Variants in TMPRSS11E observed in about 807,000 individuals in gnomAD.
The protein encoded by TMPRSS11E is transmembrane protease serine 11E.
TMPRSS11E carries 38 observed loss-of-function variants against 48.1 expected under a neutral mutation model. The observed-to-expected ratio is 0.79, with a 90% CI of 0.61 to 1.04. The LOEUF (loss-of-function observed/expected upper bound fraction) is 1.04. Ranked by LOEUF, TMPRSS11E falls within the 50% of genes least tolerant of loss-of-function variation. The pLI, the probability that TMPRSS11E is intolerant of heterozygous loss-of-function variation, is 0.00. For synonymous variants in TMPRSS11E, 158 were observed against 171.9 expected (o/e 0.92, Z 0.63); for missense variants, 530 against 510.8 (o/e 1.04, Z -0.36).
chr4:68,492,293 C>T (rs961741260), intron 9 of TMPRSS11E, among the ~76,000 whole-genome samples: 6 of 152,132 alleles, frequency 3.9e-5, no homozygotes, highest in African/African-American at 1.4e-4. Flanking sequence ...TTGTAACCCC[C>T]AAATCAATAC....
intron 9 of TMPRSS11E, among the ~76,000 whole-genome samples, chr4:68,481,080 T>C (rs1729387388): frequency 6.6e-6 from 1 of 152,210 alleles, no homozygotes; most frequent in Non-Finnish European, 1.5e-5. Context: ...CCTGCATTCA[T>C]TTGCTTAGTA....
At chr4:68,447,722 G>T (rs1728379680) in intron 1 of TMPRSS11E, among the ~76,000 whole-genome samples, 199 bp downstream of exon 1, 1 of 151,638 alleles carries the variant, frequency 6.6e-6, no homozygotes. Flanking sequence ...GTCCTCTTTT[G>T]TTGTATCCCA....
intron 4 of TMPRSS11E, among the ~76,000 whole-genome samples, chr4:68,469,636 T>C (rs996622755): frequency 2.6e-5 from 4 of 151,996 alleles, no homozygotes; most frequent in African/African-American, 9.7e-5. Flanking sequence ...GTGTTTGAGA[T>C]ACTGCCCTTT....
At chr4:68,493,513 C>A (rs1239573796) in intron 9 of TMPRSS11E, among the ~76,000 whole-genome samples, 2 of 152,090 alleles carry the variant, frequency 1.3e-5, no homozygotes, top group African/African-American at 2.4e-5. Flanking sequence ...GTTACCCAGG[C>A]TGGAGTGCAG....
intron 9 of TMPRSS11E, among the ~76,000 whole-genome samples, chr4:68,480,950 C>T (rs1469413827): frequency 6.6e-6 from 1 of 152,064 alleles, no homozygotes; most frequent in Non-Finnish European, 1.5e-5. Context: ...TTCTCATCCT[C>T]CTCCCACCCT....
intron 1 of TMPRSS11E, among the ~76,000 whole-genome samples, chr4:68,450,499 T>G (rs1248348030): frequency 1.3e-4 from 20 of 151,844 alleles, no homozygotes. Context: ...AAGCTATAAG[T>G]AGAATCTTTG....
chr4:68,497,461 G>A lies in TMPRSS11E; in HGVS notation c.*657G>A. The A allele has an allele frequency of 6.6e-6, 1 of 152,082 alleles. No homozygotes were observed. Among genetic ancestry groups the A allele is most frequent in the East Asian group, 1.9e-4 (1 of 5,192 alleles). The allele number at this position is 152,082 out of a possible 1,614,324, so 9.4% of individuals were successfully genotyped here. A position where few individuals can be genotyped will look rare whatever the true frequency, so the allele number is the denominator to read the frequency against. ...TTTCCAAACAACTACTATGATAAAT[G>A]TGAAGAAGATTCTGTTTTTTTGTGA... On this transcript the variant is annotated 3_prime_UTR_variant, in exon 10 of 10. Coordinates refer to ENST00000305363, the MANE Select transcript of TMPRSS11E (RefSeq NM_014058.4).
At chr4:68,451,196 C>G (rs903369368) in intron 1 of TMPRSS11E, among the ~76,000 whole-genome samples, 1 of 151,834 alleles carries the variant, frequency 6.6e-6, no homozygotes, top group Non-Finnish European at 1.5e-5. Flanking sequence ...ATGGCTCTAT[C>G]AGGGTTAGAG....
In TMPRSS11E at chr4:68,496,935, T is replaced by C; in HGVS notation, c.*131T>C. 1 of 910,408 alleles carries C rather than the reference T, an allele frequency of 1.1e-6. No homozygotes were observed. Among genetic ancestry groups the C allele is most frequent in the South Asian group, 1.7e-5 (1 of 59,950 alleles). 56.4% of individuals were successfully genotyped at this position (910,408 alleles called of 1,614,324 possible). ...TGACTGATCTCAATAAACTGTTTGC[T>C]TGATGCATGTATTTTCTTCCCAGCT... On this transcript the variant is annotated 3_prime_UTR_variant, in exon 10 of 10. Coordinates refer to ENST00000305363, the MANE Select transcript of TMPRSS11E (RefSeq NM_014058.4).
In TMPRSS11E at chr4:68,481,266, A is replaced by G. The variant is rs1429563276; in HGVS notation, c.1110+2275A>G. On this transcript the variant is annotated intron_variant, in intron 9 of 9. Transcript: ENST00000305363. ...GACAATTGCTGCCATGAACATATGC[A>G]TACATGTGTCTTTATGGCAGAACAA... is the stretch of plus-strand genomic sequence containing the variant. 2.0e-5 allele frequency among the ~76,000 whole-genome samples: 3 copies of G among 152,326 alleles called. No individual in the cohort carries two copies. The East Asian group carries it at 5.8e-4, about 29-fold the overall frequency.
intron 9 of TMPRSS11E, among the ~76,000 whole-genome samples, chr4:68,490,760 T>C (rs1387930910): frequency 1.5e-5 from 2 of 136,658 alleles, no homozygotes; most frequent in Admixed American, 1.5e-4. Context: ...TCTTTTTTTT[T>C]TTTTTTTTTT....
intron 6 of TMPRSS11E, among the ~76,000 whole-genome samples, chr4:68,475,532 T>C (rs536212591): frequency 2.1e-4 from 32 of 152,308 alleles, no homozygotes; most frequent in African/African-American, 7.2e-4. Flanking sequence ...CCAATATTTA[T>C]TGGGAACCTA....
intron 1 of TMPRSS11E, among the ~76,000 whole-genome samples, chr4:68,451,251 G>C (rs147612485): frequency 6.6e-6 from 1 of 151,864 alleles, no homozygotes; most frequent in Non-Finnish European, 1.5e-5. Context: ...CGCTCCTTTG[G>C]ATCTGCTCTC....
At chr4:68,488,591 T>C (rs1729627881) in intron 9 of TMPRSS11E, among the ~76,000 whole-genome samples, 1 of 152,162 alleles carries the variant, frequency 6.6e-6, no homozygotes, top group Non-Finnish European at 1.5e-5. Context: ...CAGGCTGGAG[T>C]GCAGTGGCAA....
At chr4:68,474,607 T>C (rs960559247) in intron 5 of TMPRSS11E, 116 bp from the exon 6 acceptor site, 2 of 936,170 alleles carry the variant, frequency 2.1e-6, no homozygotes, top group Non-Finnish European at 3.3e-6. Flanking sequence ...GCCTTCTTTA[T>C]AATCTAGAGA....
intron 9 of TMPRSS11E, among the ~76,000 whole-genome samples, chr4:68,488,305 G>C (rs1729619338): frequency 2.6e-5 from 4 of 152,108 alleles, no homozygotes; most frequent in African/African-American, 7.2e-5. Context: ...GTGAATTGTA[G>C]ATTTGGTATA....
At chr4:68,465,850 C>A (rs894622679) in intron 2 of TMPRSS11E, among the ~76,000 whole-genome samples, 1 of 152,138 alleles carries the variant, frequency 6.6e-6, no homozygotes, top group Non-Finnish European at 1.5e-5. Flanking sequence ...TGAATGAATA[C>A]ATTAATTTTC....
At chr4:68,469,166 C>T (rs1728998510) in intron 4 of TMPRSS11E, among the ~76,000 whole-genome samples, 1 of 151,966 alleles carries the variant, frequency 6.6e-6, no homozygotes, top group Non-Finnish European at 1.5e-5. Context: ...TAATTGGTGC[C>T]TATGTTATAA....
intron 9 of TMPRSS11E, among the ~76,000 whole-genome samples, chr4:68,494,872 A>T (rs1197450319): frequency 1.3e-5 from 2 of 152,242 alleles, no homozygotes; most frequent in Non-Finnish European, 2.9e-5. Flanking sequence ...AGTCCTGAGC[A>T]GAAGAGGAAA....
Sources: gnomAD v4.1 joint callset for allele counts (sites outside exome capture counted in the v4.1 genomes callset) on GRCh38, gnomAD v4.1.1 for gene constraint, MANE v1.5 for transcripts, NCBI Gene and HGNC (gene_info 2026-07-23, HGNC 2026-07-21) for gene names.